The following ZNF416 variants were observed in gnomAD, a reference collection of about 807,000 sequenced individuals.
ZNF416 encodes the protein zinc finger protein 416.
A neutral mutation model predicts 10.9 loss-of-function variants in ZNF416; 5 were observed. The ratio of observed to expected loss-of-function variants is 0.46; its 90% CI spans 0.24 to 0.97. ZNF416 has a LOEUF of 0.97. Among genes scored for constraint, ZNF416 ranks in the 50% least tolerant of loss-of-function variants. The pLI is 0.19. For missense variants in ZNF416, 675 were observed against 715.0 expected (o/e 0.94, Z 0.64); for synonymous variants, 267 against 251.8 (o/e 1.06, Z -0.57).
chr19:57,572,996 C>T lies in ZNF416; in HGVS notation c.908G>A (p.Cys303Tyr), dbSNP rs1978363213. Residue 303 changes from cysteine to tyrosine, a missense_variant, in exon 4 of 4, where the codon TGT becomes TAT. Coordinates refer to ENST00000196489, the MANE Select transcript of ZNF416 (RefSeq NM_017879.3). The surrounding 1 kb of genome is among the most constrained non-coding windows in gnomAD (Gnocchi z 4.5). Reference sequence around the variant, plus strand: ...GGCTCTTTGGCTAAATGATTTCCCACACTGACCACACACATAAGGCCTTTC... The same window carrying T: ...GGCTCTTTGGCTAAATGATTTCCCATACTGACCACACACATAAGGCCTTTC... ...TGERPYVCGQ[C>Y]GKSFSQRATL... 1 of 1,614,192 alleles carries T rather than the reference C, an allele frequency of 6.2e-7. No homozygotes were observed. Among genetic ancestry groups the T allele is most frequent in the Admixed American group, 1.7e-5 (1 of 60,026 alleles).
At position 57,573,594 on chromosome 19, in the gene ZNF416, G is replaced by A; in HGVS notation, c.310C>T (p.Gln104Ter). The change falls in exon 4 of 4, where the codon CAA becomes TAA. Residue 104 changes from glutamine (Q) to a stop codon, truncating the protein, a stop_gained. Coordinates refer to ENST00000196489, the MANE Select transcript of ZNF416 (RefSeq NM_017879.3). LOFTEE classifies it low-confidence loss of function (END_TRUNC). Reference protein sequence around the residue: ...PEASPSTQKIQSCDMCVPFLT... With the variant: ...PEASPSTQKI Reference sequence around the variant, plus strand: ...AATGGGACACACATGTCACAGGATTGAATCTTCTGGGTGGATGGACTGGCC... The same window carrying A: ...AATGGGACACACATGTCACAGGATTAAATCTTCTGGGTGGATGGACTGGCC... The A allele has an allele frequency of 6.2e-7, 1 of 1,614,214 alleles. No homozygotes were observed. The highest frequency in any genetic ancestry group is 1.1e-5 in the South Asian group (1 of 91,084).
chr19:57,576,027 C>G lies in ZNF416; in HGVS notation c.76-97G>C, dbSNP rs572284901. The G allele has an allele frequency of 1.3e-5, 19 of 1,483,452 alleles. No homozygotes were observed. In the African/African-American group the frequency reaches 2.0e-4, roughly 15 times the overall value. The allele number at this position is 1,483,452 out of a possible 1,614,324, so 91.9% of individuals were successfully genotyped here. A position where few individuals can be genotyped will look rare whatever the true frequency, so the allele number is the denominator to read the frequency against. On this transcript the variant is annotated intron_variant, in intron 2 of 3. Coordinates refer to ENST00000196489, the MANE Select transcript of ZNF416 (RefSeq NM_017879.3). ...ATCCTTTCCCTGCTTATCCCCATAC[C>G]TAAGCCCCACCTCAGAGGAGATACC...
chr19:57,578,503 C>T (rs1978632582), intron 1 of ZNF416, 169 bp downstream of exon 1: 1 of 721,020 alleles, frequency 1.4e-6, no homozygotes, highest in Admixed American at 3.5e-5. Context: ...GCCTGCCACA[C>T]CCTCCACAGC....
intron 1 of ZNF416, chr19:57,578,454 T>C (rs896693918): frequency 9.5e-5 from 52 of 549,734 alleles, no homozygotes; most frequent in African/African-American, 9.2e-4. Flanking sequence ...CGTTACTGGC[T>C]CAATCGTCCC....
Position 57,572,717 on chromosome 19 carries a change from C to T in ZNF416, c.1187G>A (p.Ser396Asn). 6.2e-7 allele frequency: 1 copy of T among 1,613,728 alleles called. No homozygotes were observed. Among genetic ancestry groups the T allele is most frequent in the Non-Finnish European group, 8.5e-7 (1 of 1,179,944 alleles). Residue 396 changes from serine to asparagine, a missense_variant, in exon 4 of 4, where the codon AGC (serine) becomes AAC (asparagine). Transcript: ENST00000196489. This position sits in a 1 kb window ranked among gnomAD's most constrained non-coding sequence, Gnocchi z 4.5. ...GTGAATTCTCTGGTGTACAACAAGGCTGAAGCTTTGTCTGAATAATTTCCC... is the reference window on the plus strand; with the variant it reads ...GTGAATTCTCTGGTGTACAACAAGGTTGAAGCTTTGTCTGAATAATTTCCC... ...ECGKLFRQSF[S>N]LVVHQRIHTT...
chr19:57,576,170 T>C (rs1442776466), intron 2 of ZNF416, among the ~76,000 whole-genome samples: 1 of 152,162 alleles, frequency 6.6e-6, no homozygotes, highest in Non-Finnish European at 1.5e-5. Context: ...GGGTCTAGCA[T>C]ATAGGGCTGG....
rs1399153998 is a variant in ZNF416 at position 57,575,841 on chromosome 19, A to G, written c.165T>C (p.Asp55=). The G allele has an allele frequency of 1.2e-6, 2 of 1,614,116 alleles. No homozygotes were observed. Among genetic ancestry groups the G allele is most frequent in the East Asian group, 2.2e-5 (1 of 44,878 alleles). The change falls in exon 3 of 4, where the codon GAT becomes GAC. Residue 55 remains aspartate, a synonymous_variant. Transcript: ENST00000196489. This position sits in a 1 kb window ranked among gnomAD's most constrained non-coding sequence, Gnocchi z 4.4. ...TAAGTGCAAAGTTCTCCAGCATCACATCGCGGTACAGGAGCCTCTGAGCCT... is the reference window on the plus strand; with the variant it reads ...TAAGTGCAAAGTTCTCCAGCATCACGTCGCGGTACAGGAGCCTCTGAGCCT... ...LDEAQRLLYR[D]VMLENFALIT...
At position 57,571,984 on chromosome 19, in the gene ZNF416, G is replaced by A. The variant is rs2123390063; in HGVS notation, c.*135C>T. On this transcript the variant is annotated 3_prime_UTR_variant, in exon 4 of 4. Coordinates refer to ENST00000196489, the MANE Select transcript of ZNF416 (RefSeq NM_017879.3). ...AACTAATGGGAGTCTGACCCATCGGGAGGTCTAGAAGTATGAGGTTTAACT... is the reference window on the plus strand; with the variant it reads ...AACTAATGGGAGTCTGACCCATCGGAAGGTCTAGAAGTATGAGGTTTAACT... 6.2e-6 allele frequency: 7 copies of A among 1,132,948 alleles called. No individual in the cohort carries two copies. The highest frequency in any genetic ancestry group is 3.0e-4 in the Middle Eastern group (1 of 3,302). 70.2% of individuals were successfully genotyped at this position (1,132,948 alleles called of 1,614,324 possible).
rs2090199193 is a variant in ZNF416, at chr19:57,572,474, A to C, written c.1430T>G (p.Phe477Cys). 1.2e-6 allele frequency: 2 copies of C among 1,612,068 alleles called. No homozygotes were observed. The highest frequency in any genetic ancestry group is 1.7e-6 in the Non-Finnish European group (2 of 1,179,400). The change falls in exon 4 of 4, where the codon TTC becomes TGC. Residue 477 changes from phenylalanine (F) to cysteine (C), a missense_variant. Physicochemically the swap from Phe to Cys is radical, Grantham distance 205 (BLOSUM62 -2). Coordinates refer to ENST00000196489, the MANE Select transcript of ZNF416 (RefSeq NM_017879.3). The surrounding 1 kb of genome is among the most constrained non-coding windows in gnomAD (Gnocchi z 4.5). ...VCGECGKAFMFKSKLVRHQRT... is the reference protein window; with the variant it reads ...VCGECGKAFMCKSKLVRHQRT... Reference sequence around the variant, plus strand: ...CTGGTGCCTAACAAGTTTAGATTTGAACATAAAAGCTTTCCCACATTCCCC... The same window carrying C: ...CTGGTGCCTAACAAGTTTAGATTTGCACATAAAAGCTTTCCCACATTCCCC...
chr19:57,574,279 A>T (rs189986059), intron 3 of ZNF416, among the ~76,000 whole-genome samples: 1 of 152,308 alleles, frequency 6.6e-6, no homozygotes, highest in Admixed American at 6.5e-5. Context: ...TTTGCCCCAA[A>T]GCAAACTACT....
chr19:57,576,396 A>G (rs1978536369), intron 2 of ZNF416, among the ~76,000 whole-genome samples: 1 of 152,070 alleles, frequency 6.6e-6, no homozygotes. Flanking sequence ...GCCCCACACC[A>G]TAGGCATCTC....
rs1978389666 is a variant in ZNF416 at position 57,573,336 on chromosome 19, G to A, written c.568C>T (p.Gln190Ter). Residue 190 changes from glutamine (Q) to a stop codon, truncating the protein, a stop_gained, in exon 4 of 4, where the codon CAA (glutamine) becomes TAA (stop). Transcript: ENST00000196489. LOFTEE classifies it low-confidence loss of function (END_TRUNC). ...GGCTTCTCATAGTTAGCAATAGCTT[G>A]CGGCTGAAGAATGCCCAATGGGGCT... Reference protein sequence around the residue: ...FLAPLGILQPQAIANYEKPNK... With the variant: ...FLAPLGILQP The A allele has an allele frequency of 6.2e-7, 1 of 1,614,124 alleles. No homozygotes were observed. Among genetic ancestry groups the A allele is most frequent in the Non-Finnish European group, 8.5e-7 (1 of 1,180,050 alleles).
At chr19:57,577,947 T>C (rs1978602001) in intron 2 of ZNF416, 110 bp downstream of exon 2, 1 of 1,204,098 alleles carries the variant, frequency 8.3e-7, no homozygotes, top group South Asian at 1.2e-5. Flanking sequence ...TTGTTCAGGA[T>C]TCCTAGAACC....
chr19:57,577,955 ACCAAGGAC>A (rs1978602389), intron 2 of ZNF416, 94 bp downstream of exon 2: 2 of 1,318,180 alleles, frequency 1.5e-6, no homozygotes, highest in Non-Finnish European at 2.2e-6. Flanking sequence ...GATTCCTAGA[ACCAAGGAC>A]CCAAAGAGTG....
chr19:57,578,713 G>C lies in ZNF416; in HGVS notation c.-9C>G. ...AGCACGGCCGCCGCCATCGGATTGTGAGCGGAGCGGGGCCGGGAGCGGCGG... is the reference window on the plus strand; with the variant it reads ...AGCACGGCCGCCGCCATCGGATTGTCAGCGGAGCGGGGCCGGGAGCGGCGG... On this transcript the variant is annotated 5_prime_UTR_variant, in exon 1 of 4. Transcript: ENST00000196489. 6.5e-7 allele frequency: 1 copy of C among 1,528,114 alleles called. No homozygotes were observed. 94.7% of individuals were successfully genotyped at this position (1,528,114 alleles called of 1,614,324 possible).
At position 57,572,716 on chromosome 19, in the gene ZNF416, G is replaced by A. The variant is rs1978344299; in HGVS notation, c.1188C>T (p.Ser396=). 1 of 1,613,652 alleles carries A rather than the reference G, an allele frequency of 6.2e-7. No homozygotes were observed. The highest frequency in any genetic ancestry group is 1.3e-5 in the African/African-American group (1 of 74,840). ...TGTGAATTCTCTGGTGTACAACAAG[G>A]CTGAAGCTTTGTCTGAATAATTTCC... The part of the protein sequence containing the change: ...ECGKLFRQSF[S]LVVHQRIHTT... Residue 396 remains serine, a synonymous_variant, in exon 4 of 4, where the codon AGC becomes AGT. Transcript: ENST00000196489. The surrounding 1 kb of genome is among the most constrained non-coding windows in gnomAD (Gnocchi z 4.5).
At chr19:57,576,010 C>T (rs1978523325) in intron 2 of ZNF416, 80 bp from the exon 3 acceptor site, 1 of 1,542,164 alleles carries the variant, frequency 6.5e-7, no homozygotes, top group African/African-American at 1.4e-5. Flanking sequence ...ACATCCTTTC[C>T]CTGCTTATCC....
In ZNF416 at chr19:57,575,688, G is replaced by A; in HGVS notation, c.202+116C>T. 3.6e-6 allele frequency: 5 copies of A among 1,386,856 alleles called. No individual in the cohort carries two copies. The highest frequency in any genetic ancestry group is 1.4e-5 in the African/African-American group (1 of 70,380). The allele number at this position is 1,386,856 out of a possible 1,614,324, so 85.9% of individuals were successfully genotyped here. On this transcript the variant is annotated intron_variant, in intron 3 of 3. Transcript: ENST00000196489. The surrounding 1 kb of genome is among the most constrained non-coding windows in gnomAD (Gnocchi z 4.4). Reference sequence around the variant, plus strand: ...CAATGATTTCATTCCTTACACCACAGCACATACGCCAAGACAGTGGGGAAG... The same window carrying A: ...CAATGATTTCATTCCTTACACCACAACACATACGCCAAGACAGTGGGGAAG...
chr19:57,573,985 C>G (rs1978429286), intron 3 of ZNF416, among the ~76,000 whole-genome samples: 2 of 152,118 alleles, frequency 1.3e-5, no homozygotes, highest in Non-Finnish European at 2.9e-5. Flanking sequence ...GATCGCACCA[C>G]TGCACTCCAG....
Sources: allele counts gnomAD v4.1 joint callset (sites outside exome capture counted in the v4.1 genomes callset), GRCh38; gene constraint gnomAD v4.1.1; non-coding constraint Gnocchi (gnomAD v3.1); transcripts MANE v1.5; gene names NCBI Gene and HGNC (gene_info 2026-07-23, HGNC 2026-07-21).